Variants in ASF1B observed in about 807,000 individuals in gnomAD.
ASF1B encodes histone chaperone ASF1B.
In ASF1B, 10 loss-of-function variants were observed where a neutral mutation model predicts 16.6. The observed-to-expected ratio is 0.60, with a 90% CI of 0.37 to 1.02. ASF1B has a LOEUF of 1.02. ASF1B is among the 50% of genes least tolerant of loss of function. ASF1B has a pLI of 0.01. For synonymous variants in ASF1B, 101 were observed against 106.2 expected, an observed-to-expected ratio of 0.95 and a Z score of 0.30; for missense variants, 240 against 266.0, an observed-to-expected ratio of 0.90 and a Z score of 0.68.
chr19:14,120,897 T>G (rs577424654), intron 3 of ASF1B, among the ~76,000 whole-genome samples: 1 of 152,120 alleles, frequency 6.6e-6, no homozygotes, highest in Non-Finnish European at 1.5e-5. Context: ...CTCGTCTCAC[T>G]GCAACCTCTG....
chr19:14,120,764 A>G, intron 3 of ASF1B, 99 bp from the exon 4 acceptor site: 1 of 1,018,418 alleles, frequency 9.8e-7, no homozygotes, highest in African/African-American at 1.6e-5. Context: ...GCCCAGCAAG[A>G]GCAACCTACA....
chr19:14,130,505 T>TAA (rs201790325), intron 1 of ASF1B, among the ~76,000 whole-genome samples: 31 of 137,980 alleles, frequency 2.2e-4, no homozygotes, highest in African/African-American at 5.1e-4. Context: ...CCTATCTCTT[T>TAA]AAAAAAAAAA....
chr19:14,120,896 C>T (rs1420743835), intron 3 of ASF1B, among the ~76,000 whole-genome samples: 2 of 152,282 alleles, frequency 1.3e-5, no homozygotes, highest in East Asian at 3.9e-4. Flanking sequence ...TCTCGTCTCA[C>T]TGCAACCTCT....
intron 1 of ASF1B, among the ~76,000 whole-genome samples, chr19:14,136,129 G>T (rs1043088495): frequency 4.0e-5 from 6 of 151,228 alleles, no homozygotes; most frequent in African/African-American, 1.5e-4. Flanking sequence ...AGGTCAAGGC[G>T]GGCAGTGGGG....
chr19:14,126,033 T>C (rs767955978), intron 2 of ASF1B, 89 bp downstream of exon 2: 6 of 1,101,734 alleles, frequency 5.4e-6, no homozygotes, highest in Non-Finnish European at 7.8e-6. Context: ...ACTTGAACTT[T>C]TGATTCCTGA....
In ASF1B at chr19:14,119,864, C is replaced by T. The variant is rs1967207112; in HGVS notation, c.*595G>A. ...ATAACAGGAAGGTGGCTGTGATTGACAGGAAAGGCAACATGGTTCCTCAGC... is the reference window on the plus strand; with the variant it reads ...ATAACAGGAAGGTGGCTGTGATTGATAGGAAAGGCAACATGGTTCCTCAGC... On this transcript the variant is annotated 3_prime_UTR_variant, in exon 4 of 4. Transcript: ENST00000263382. 6.6e-6 allele frequency: 1 copy of T among 152,440 alleles called. No homozygotes were observed. The allele number at this position is 152,440 out of a possible 1,614,324, so 9.4% of individuals were successfully genotyped here.
At chr19:14,121,438 A>T in intron 3 of ASF1B, 94 bp downstream of exon 3, 1 of 1,387,428 alleles carries the variant, frequency 7.2e-7, no homozygotes, top group Non-Finnish European at 1.0e-6. Flanking sequence ...TGAAAACCTT[A>T]AGAAGTGACC....
chr19:14,131,946 T>C (rs1403487036), intron 1 of ASF1B, among the ~76,000 whole-genome samples: 1 of 151,708 alleles, frequency 6.6e-6, no homozygotes, highest in Non-Finnish European at 1.5e-5. Context: ...TTTCCAGATG[T>C]GGAAGATAAA....
At chr19:14,124,436 C>T (rs575048244) in intron 2 of ASF1B, among the ~76,000 whole-genome samples, 1 of 152,138 alleles carries the variant, frequency 6.6e-6, no homozygotes, top group South Asian at 2.1e-4. Flanking sequence ...AGCCACCACA[C>T]CCGGCCAGAA....
rs758707646 is a variant in ASF1B, at chr19:14,121,393, C to T, written c.402+139G>A. 1.5e-5 allele frequency: 15 copies of T among 973,290 alleles called. No homozygotes were observed. In the South Asian group the frequency reaches 1.9e-4, roughly 12 times the overall value. The allele number at this position is 973,290 out of a possible 1,614,324, so 60.3% of individuals were successfully genotyped here. ...TGAGAGACAAAGGTCTTTTTCTCCTCTTCTAACACAGTACTGTAAGAACTG... is the reference window on the plus strand; with the variant it reads ...TGAGAGACAAAGGTCTTTTTCTCCTTTTCTAACACAGTACTGTAAGAACTG... On this transcript the variant is annotated intron_variant, in intron 3 of 3. Coordinates refer to ENST00000263382, the MANE Select transcript of ASF1B (RefSeq NM_018154.3).
intron 3 of ASF1B, 59 bp from the exon 4 acceptor site, chr19:14,120,724 A>G: frequency 6.5e-7 from 1 of 1,538,056 alleles, no homozygotes; most frequent in Admixed American, 1.8e-5. Context: ...GGTCCCATAG[A>G]GCCAGGACAC....
intron 2 of ASF1B, among the ~76,000 whole-genome samples, chr19:14,123,208 G>C (rs1334136069): frequency 6.6e-6 from 1 of 152,128 alleles, no homozygotes; most frequent in Non-Finnish European, 1.5e-5. Context: ...CTGTTGAGTA[G>C]ATAGGGCCTG....
chr19:14,121,311 C>A, intron 3 of ASF1B: 2 of 394,340 alleles, frequency 5.1e-6, no homozygotes, highest in Non-Finnish European at 8.8e-6. Context: ...GGGTTAGGGA[C>A]AGGGTCTCAC....
At position 14,121,531 on chromosome 19, in the gene ASF1B, C is replaced by G. The variant is rs1428379379; in HGVS notation, c.402+1G>C. The G allele has an allele frequency of 1.9e-6, 3 of 1,612,840 alleles. No homozygotes were observed. The highest frequency in any genetic ancestry group is 2.5e-6 in the Non-Finnish European group (3 of 1,179,124). On this transcript the variant is annotated splice_donor_variant, in intron 3 of 3. Coordinates refer to ENST00000263382, the MANE Select transcript of ASF1B (RefSeq NM_018154.3). LOFTEE classifies it high-confidence loss of function. ...AAGCAGGAAGTGGAAACAGGCCCCACCTGGGAGAAATCTGGCTTCATGGGC... is the reference window on the plus strand; with the variant it reads ...AAGCAGGAAGTGGAAACAGGCCCCAGCTGGGAGAAATCTGGCTTCATGGGC...
At chr19:14,133,261 T>C (rs926184131) in intron 1 of ASF1B, among the ~76,000 whole-genome samples, 2 of 152,216 alleles carry the variant, frequency 1.3e-5, no homozygotes, top group Non-Finnish European at 2.9e-5. Context: ...AATCCTTCCT[T>C]TCTTTCCCTG....
At chr19:14,134,895 G>A (rs1967462587) in intron 1 of ASF1B, among the ~76,000 whole-genome samples, 1 of 151,730 alleles carries the variant, frequency 6.6e-6, no homozygotes, top group Non-Finnish European at 1.5e-5. Flanking sequence ...AAAGCAACGG[G>A]AGCTTGGCAC....
chr19:14,126,912 T>A (rs1967326959), intron 1 of ASF1B, among the ~76,000 whole-genome samples: 1 of 152,002 alleles, frequency 6.6e-6, no homozygotes, highest in African/African-American at 2.4e-5. Flanking sequence ...CGGCCACATC[T>A]TCTATTTTAT....
At chr19:14,124,352 G>A (rs1242431919) in intron 2 of ASF1B, among the ~76,000 whole-genome samples, 2 of 151,740 alleles carry the variant, frequency 1.3e-5, no homozygotes, top group Admixed American at 6.6e-5. Flanking sequence ...TGGGGGTCTC[G>A]CTATGTGGCC....
At chr19:14,136,323 G>T in intron 1 of ASF1B, 25 bp downstream of exon 1, 1 of 1,598,196 alleles carries the variant, frequency 6.3e-7, no homozygotes. Context: ...CGGGGGTGGG[G>T]GTCCCCGCAC....
Sources: allele counts gnomAD v4.1 joint callset (sites outside exome capture counted in the v4.1 genomes callset), GRCh38; gene constraint gnomAD v4.1.1; transcripts MANE v1.5; gene names NCBI Gene and HGNC (gene_info 2026-07-23, HGNC 2026-07-21).